The following EPB41L5 variants were observed in gnomAD, a reference collection of about 807,000 sequenced individuals.
EPB41L5 encodes erythrocyte membrane protein band 4.1 like 5.
In EPB41L5, 55 loss-of-function variants were observed where a neutral mutation model predicts 106.6. The ratio of observed to expected loss-of-function variants is 0.52; its 90% CI spans 0.42 to 0.65. The LOEUF (loss-of-function observed/expected upper bound fraction) is 0.65. Among genes scored for constraint, EPB41L5 ranks in the 30% least tolerant of loss-of-function variants. The pLI, the probability that EPB41L5 is intolerant of heterozygous loss-of-function variation, is 0.00. For synonymous variants in EPB41L5, 297 were observed against 306.7 expected (o/e 0.97, Z 0.33); for missense variants, 871 against 882.1 (o/e 0.99, Z 0.16).
chr2:120,169,475 G>GA lies in EPB41L5; in HGVS notation c.2135+1475dup, dbSNP rs1295247052. On this transcript the variant is annotated intron_variant, in intron 24 of 24. Coordinates refer to ENST00000263713, the MANE Select transcript of EPB41L5 (RefSeq NM_020909.4). ...CTCACAAGGAGCTTTAGTCTTACAG[G>GA]AAAAAAATCACTTGGATTATATCAA... 3.9e-5 allele frequency among the ~76,000 whole-genome samples: 6 copies of GA among 152,100 alleles called. No homozygotes were observed. In the East Asian group the frequency reaches 5.8e-4, roughly 15 times the overall value.
At chr2:120,169,097 C>T (rs909733782) in intron 24 of EPB41L5, among the ~76,000 whole-genome samples, 1 of 151,888 alleles carries the variant, frequency 6.6e-6, no homozygotes, top group Non-Finnish European at 1.5e-5. Flanking sequence ...CTTCCTAGAA[C>T]TCATGGAAAG....
At chr2:120,035,297 TA>T (rs1387989421) in intron 2 of EPB41L5, among the ~76,000 whole-genome samples, 8 of 152,216 alleles carry the variant, frequency 5.3e-5, no homozygotes, top group Non-Finnish European at 8.8e-5. Flanking sequence ...AGGGTCTTGC[TA>T]TGTTATCCAG....
intron 2 of EPB41L5, among the ~76,000 whole-genome samples, chr2:120,029,474 G>A (rs975572649): frequency 6.6e-6 from 1 of 152,184 alleles, no homozygotes; most frequent in African/African-American, 2.4e-5. Flanking sequence ...GGGATTATAG[G>A]TAATTGGTTT....
chr2:120,062,672 T>G lies in EPB41L5; in HGVS notation c.286-10506T>G, dbSNP rs116393544. On this transcript the variant is annotated intron_variant, in intron 3 of 24. Coordinates refer to ENST00000263713, the MANE Select transcript of EPB41L5 (RefSeq NM_020909.4). ...TTAGAAAATGCTGTATTATGAATATTCAATAATTCATTTAAAGAAATGTAG... is the reference window on the plus strand; with the variant it reads ...TTAGAAAATGCTGTATTATGAATATGCAATAATTCATTTAAAGAAATGTAG... Among the ~76,000 whole-genome samples, 684 of 152,350 alleles carry G rather than the reference T, an allele frequency of 4.5e-3. 2 individuals carry two copies. Among genetic ancestry groups the G allele is most frequent in the African/African-American group, 0.014 (597 of 41,588 alleles).
chr2:120,044,474 C>T (rs992225554), intron 3 of EPB41L5, among the ~76,000 whole-genome samples: 6 of 152,124 alleles, frequency 3.9e-5, no homozygotes, highest in African/African-American at 1.4e-4. Context: ...TAAAGCCTTA[C>T]AATCAGATGA....
At chr2:120,118,232 A>G (rs1685040082) in intron 16 of EPB41L5, among the ~76,000 whole-genome samples, 1 of 152,220 alleles carries the variant, frequency 6.6e-6, no homozygotes, top group African/African-American at 2.4e-5. Flanking sequence ...TGGCTTTCCA[A>G]TTATGTCAAC....
chr2:120,063,912 A>C (rs1293422864), intron 3 of EPB41L5, among the ~76,000 whole-genome samples: 2 of 152,170 alleles, frequency 1.3e-5, no homozygotes, highest in East Asian at 3.8e-4. Context: ...ACTGCACTCC[A>C]GCCTGGGTGA....
At chr2:120,132,573 C>T (rs912491116) in intron 18 of EPB41L5, among the ~76,000 whole-genome samples, 1 of 152,072 alleles carries the variant, frequency 6.6e-6, no homozygotes, top group Admixed American at 6.6e-5. Context: ...GGATCCAAGC[C>T]TTTTTTTCCC....
At chr2:120,036,479 C>G (rs1387615612) in intron 2 of EPB41L5, among the ~76,000 whole-genome samples, 1 of 152,048 alleles carries the variant, frequency 6.6e-6, no homozygotes, top group Admixed American at 6.6e-5. Flanking sequence ...ACTCATGTTC[C>G]CAAATAAATA....
At chr2:120,034,108 T>C (rs1223509140) in intron 2 of EPB41L5, among the ~76,000 whole-genome samples, 1 of 152,150 alleles carries the variant, frequency 6.6e-6, no homozygotes, top group Non-Finnish European at 1.5e-5. Flanking sequence ...AATAAAATCA[T>C]GTATCGTTTA....
rs1480959742 is a variant in EPB41L5, at chr2:120,019,541, A to G, written c.180+277A>G. ...ATGAGTCTGTTTCATGTGTCTTTCT[A>G]TGTGTTCTTTGTGATGGCAGCACAT... On this transcript the variant is annotated intron_variant, in intron 2 of 24. Coordinates refer to ENST00000263713, the MANE Select transcript of EPB41L5 (RefSeq NM_020909.4). 3.9e-5 allele frequency among the ~76,000 whole-genome samples: 6 copies of G among 152,220 alleles called. No homozygotes were observed. In the South Asian group the frequency reaches 6.2e-4, roughly 16 times the overall value.
intron 3 of EPB41L5, among the ~76,000 whole-genome samples, chr2:120,042,476 G>A (rs1028695802): frequency 1.1e-4 from 16 of 152,160 alleles, no homozygotes; most frequent in African/African-American, 3.6e-4. Context: ...AACAATAGTA[G>A]TTTTTAATTT....
chr2:120,103,727 TAAC>T (rs1684282754), intron 16 of EPB41L5, among the ~76,000 whole-genome samples: 1 of 152,228 alleles, frequency 6.6e-6, no homozygotes, highest in African/African-American at 2.4e-5. Flanking sequence ...TTAAAACCCC[TAAC>T]AACATTTCTG....
Position 120,087,255 on chromosome 2 carries a change from A to T in EPB41L5, c.873+15A>T. ...ATGATGATCAGGTAGGAATAAAATTATATTCTATTACTTGTGTAACAGTGA... is the reference window on the plus strand; with the variant it reads ...ATGATGATCAGGTAGGAATAAAATTTTATTCTATTACTTGTGTAACAGTGA... On this transcript the variant is annotated intron_variant, in intron 11 of 24. Transcript: ENST00000263713. 7.1e-7 allele frequency: 1 copy of T among 1,406,856 alleles called. No individual in the cohort carries two copies. The highest frequency in any genetic ancestry group is 1.0e-6 in the Non-Finnish European group (1 of 997,144). 87.1% of individuals were successfully genotyped at this position (1,406,856 alleles called of 1,614,324 possible). A position where few individuals can be genotyped will look rare whatever the true frequency, so the allele number is the denominator to read the frequency against.
chr2:120,151,610 CTTTTT>C (rs529496809), intron 20 of EPB41L5, among the ~76,000 whole-genome samples: 2 of 116,814 alleles, frequency 1.7e-5, no homozygotes, highest in African/African-American at 8.5e-5. Flanking sequence ...GCGTCTGGCC[CTTTTT>C]TTTTTTTTTT....
At chr2:120,075,662 G>T in intron 6 of EPB41L5, 39 bp from the exon 7 acceptor site, 1 of 1,564,112 alleles carries the variant, frequency 6.4e-7, no homozygotes, top group South Asian at 1.1e-5. Flanking sequence ...TGAAGGTTAT[G>T]AAATCAACTT....
At chr2:120,031,107 G>A (rs1458237735) in intron 2 of EPB41L5, among the ~76,000 whole-genome samples, 1 of 152,160 alleles carries the variant, frequency 6.6e-6, no homozygotes, top group Non-Finnish European at 1.5e-5. Flanking sequence ...GACCTCAGGT[G>A]ATCCACCCGC....
intron 16 of EPB41L5, among the ~76,000 whole-genome samples, chr2:120,117,660 A>T (rs1171150672): frequency 6.6e-6 from 1 of 152,116 alleles, no homozygotes; most frequent in African/African-American, 2.4e-5. Flanking sequence ...ATCGAGGTAC[A>T]CTTGGTGCAA....
At chr2:120,087,501 T>G (rs1683135616) in intron 11 of EPB41L5, among the ~76,000 whole-genome samples, 1 of 152,158 alleles carries the variant, frequency 6.6e-6, no homozygotes, top group Non-Finnish European at 1.5e-5. Context: ...AAAAATTACA[T>G]TTAAGTGAGC....
Sources: gnomAD v4.1 joint callset for allele counts (sites outside exome capture counted in the v4.1 genomes callset) on GRCh38, gnomAD v4.1.1 for gene constraint, MANE v1.5 for transcripts, NCBI Gene and HGNC (gene_info 2026-07-23, HGNC 2026-07-21) for gene names.